Variants in SELENOI observed in about 807,000 individuals in gnomAD.
The protein encoded by SELENOI is selenoprotein I.
SELENOI carries 24 observed loss-of-function variants against 50.7 expected under a neutral mutation model. The ratio of observed to expected loss-of-function variants is 0.47; its 90% confidence interval spans 0.34 to 0.67. The LOEUF is 0.67. Ranked by LOEUF, SELENOI falls within the 30% of genes least tolerant of loss-of-function variation. The pLI is 0.01. For synonymous variants in SELENOI, 155 were observed against 170.2 expected, an observed-to-expected ratio of 0.91 and a Z score of 0.70; for missense variants, 352 against 461.4, an observed-to-expected ratio of 0.76 and a Z score of 2.17.
At chr2:26,388,799 T>C (rs11126455) in intron 9 of SELENOI, among the ~76,000 whole-genome samples, 144,799 of 152,240 alleles carry the variant, frequency 0.95, 68,925 homozygotes, top group South Asian at 0.98. Context: ...ATTTTAGTTC[T>C]AAGTCCTAAC....
chr2:26,351,343 C>T (rs1186273899), intron 1 of SELENOI, among the ~76,000 whole-genome samples: 1 of 152,216 alleles, frequency 6.6e-6, no homozygotes, highest in Non-Finnish European at 1.5e-5. Context: ...CAGGCATGAG[C>T]CACTACACCT....
chr2:26,381,002 A>C (rs1320195237), intron 6 of SELENOI, among the ~76,000 whole-genome samples: 1 of 150,760 alleles, frequency 6.6e-6, no homozygotes, highest in African/African-American at 2.4e-5. Flanking sequence ...CTATTCATAT[A>C]TTAGGTATAT....
chr2:26,352,843 G>GAAAAAAA (rs35795789), intron 1 of SELENOI, among the ~76,000 whole-genome samples: 13 of 126,324 alleles, frequency 1.0e-4, no homozygotes, highest in African/African-American at 3.9e-4. Context: ...GGATTCTCTT[G>GAAAAAAA]AAAAAAAAAA....
At chr2:26,373,736 T>C (rs548699759) in intron 5 of SELENOI, 107 bp downstream of exon 5, 7 of 1,167,912 alleles carry the variant, frequency 6.0e-6, no homozygotes, top group African/African-American at 4.7e-5. Flanking sequence ...AGAATTGATA[T>C]GTACTTAAAA....
chr2:26,390,996 A>G lies in SELENOI; in HGVS notation c.*1893A>G, dbSNP rs1677952346. ...TATTATATAAGAAAAGAACTGATAA[A>G]TATTTATAAAATGACAAACTTGGAC... On this transcript the variant is annotated 3_prime_UTR_variant, in exon 10 of 10. Coordinates refer to ENST00000260585, the MANE Select transcript of SELENOI (RefSeq NM_033505.4). The G allele has an allele frequency of 6.6e-6, 1 of 152,222 alleles. No individual in the cohort carries two copies. Among genetic ancestry groups the G allele is most frequent in the Non-Finnish European group, 1.5e-5 (1 of 68,034 alleles). 9.4% of individuals were successfully genotyped at this position (152,222 alleles called of 1,614,324 possible).
intron 6 of SELENOI, among the ~76,000 whole-genome samples, chr2:26,375,676 G>T (rs926120345): frequency 2.6e-5 from 4 of 152,184 alleles, no homozygotes; most frequent in African/African-American, 9.6e-5. Context: ...TTGACTGAGT[G>T]GAGAGGGTAT....
intron 6 of SELENOI, among the ~76,000 whole-genome samples, chr2:26,376,816 T>G (rs1422766530): frequency 1.3e-5 from 2 of 152,236 alleles, no homozygotes; most frequent in African/African-American, 4.8e-5. Context: ...TGCCTGAATT[T>G]TTTCTTTTGG....
At chr2:26,384,359 G>A (rs931168342) in intron 7 of SELENOI, among the ~76,000 whole-genome samples, 1 of 152,164 alleles carries the variant, frequency 6.6e-6, no homozygotes, top group Admixed American at 6.5e-5. Context: ...TAACAACGAG[G>A]CTCTCATTGG....
In SELENOI at chr2:26,389,083, G is replaced by T. The variant is rs1408215487; in HGVS notation, c.1174G>T (p.Glu392Ter). 2 of 1,579,182 alleles carry T rather than the reference G, an allele frequency of 1.3e-6. No individual in the cohort carries two copies. ...KPNSDULGME[E>*]KNIGL ...AAACTCAGATTGACTAGGAATGGAA[G>T]AAAAGAATATTGGCCTGTAATAATC... The change falls in exon 10 of 10, where the codon GAA becomes TAA. Residue 392 changes from glutamate to a stop codon, truncating the protein, a stop_gained. Coordinates refer to ENST00000260585, the MANE Select transcript of SELENOI (RefSeq NM_033505.4). LOFTEE classifies it high-confidence loss of function.
chr2:26,364,387 G>T lies in SELENOI; in HGVS notation c.126+17G>T. 1 of 1,478,888 alleles carries T rather than the reference G, an allele frequency of 6.8e-7. No homozygotes were observed. The highest frequency in any genetic ancestry group is 9.2e-7 in the Non-Finnish European group (1 of 1,084,318). 91.6% of individuals were successfully genotyped at this position (1,478,888 alleles called of 1,614,324 possible). On this transcript the variant is annotated intron_variant, in intron 2 of 9. Transcript: ENST00000260585. Reference sequence around the variant, plus strand: ...ATAGTAAAGGTAAGATAATTAATATGTATGTACTTTTTGTTTTAGTAAGTT... The same window carrying T: ...ATAGTAAAGGTAAGATAATTAATATTTATGTACTTTTTGTTTTAGTAAGTT...
At chr2:26,349,978 A>G (rs1399029310) in intron 1 of SELENOI, among the ~76,000 whole-genome samples, 1 of 149,848 alleles carries the variant, frequency 6.7e-6, no homozygotes, top group African/African-American at 2.5e-5. Context: ...GCATGGTAGC[A>G]CGTGCCTATG....
intron 1 of SELENOI, among the ~76,000 whole-genome samples, chr2:26,354,276 G>C (rs1416913828): frequency 6.6e-6 from 1 of 151,990 alleles, no homozygotes; most frequent in East Asian, 1.9e-4. Context: ...GCTGAGATTT[G>C]AACTCAGGCA....
chr2:26,382,481 A>G (rs986960306), intron 6 of SELENOI, among the ~76,000 whole-genome samples: 2 of 152,278 alleles, frequency 1.3e-5, no homozygotes, highest in Admixed American at 6.5e-5. Flanking sequence ...AAATTTCAAG[A>G]GTATAATTTC....
chr2:26,385,365 G>C (rs1316351948), intron 8 of SELENOI, among the ~76,000 whole-genome samples: 1 of 152,074 alleles, frequency 6.6e-6, no homozygotes, highest in Non-Finnish European at 1.5e-5. Context: ...TTGGAACTAT[G>C]GCACACTTAA....
chr2:26,380,119 TTC>T (rs1677654477), intron 6 of SELENOI, among the ~76,000 whole-genome samples: 1 of 152,218 alleles, frequency 6.6e-6, no homozygotes, highest in Admixed American at 6.5e-5. Context: ...AAGAATTACT[TTC>T]TCTTTTAAAA....
chr2:26,385,234 TTTTAAC>T (rs1050235085), intron 8 of SELENOI, 95 bp downstream of exon 8: 14 of 738,822 alleles, frequency 1.9e-5, no homozygotes, highest in Middle Eastern at 4.3e-4. Flanking sequence ...AATAAACAGA[TTTTAAC>T]TTAAAGATTT....
chr2:26,373,734 TATGTACTTAAAA>T (rs1272082497), intron 5 of SELENOI, 105 bp downstream of exon 5: 1 of 1,183,626 alleles, frequency 8.4e-7, no homozygotes, highest in East Asian at 2.6e-5. Context: ...TTAGAATTGA[TATGTACTTAAAA>T]ATTTTTTATT....
chr2:26,362,270 C>T (rs757033052), intron 1 of SELENOI, among the ~76,000 whole-genome samples: 72 of 152,036 alleles, frequency 4.7e-4, no homozygotes, highest in Non-Finnish European at 8.2e-4. Context: ...GGGGTTTCAC[C>T]GTGTTAGCCA....
At chr2:26,365,764 T>C (rs1400802820) in intron 3 of SELENOI, among the ~76,000 whole-genome samples, 1 of 151,738 alleles carries the variant, frequency 6.6e-6, no homozygotes, top group Non-Finnish European at 1.5e-5. Flanking sequence ...ATTGTTTTAG[T>C]AGAAAAATTT....
Sources: allele counts gnomAD v4.1 joint callset (sites outside exome capture counted in the v4.1 genomes callset), GRCh38; gene constraint gnomAD v4.1.1; transcripts MANE v1.5; gene names NCBI Gene and HGNC (gene_info 2026-07-23, HGNC 2026-07-21).